ACTR3: variants seen among roughly 807,000 people sequenced by gnomAD.
The protein encoded by ACTR3 is actin related protein 3, also known as actin-related protein 3.
ACTR3 carries 12 observed loss-of-function variants against 56.8 expected under a neutral mutation model. The observed-to-expected ratio is 0.21, with a 90% CI of 0.14 to 0.34. The LOEUF (loss-of-function observed/expected upper bound fraction) is 0.34, where lower values mean the gene tolerates loss of function less well. ACTR3 is among the 10% of genes least tolerant of loss of function. The pLI is 1.00. For missense variants in ACTR3, 282 were observed against 512.5 expected, an observed-to-expected ratio of 0.55 and a Z score of 4.34; for synonymous variants, 162 against 167.4, an observed-to-expected ratio of 0.97 and a Z score of 0.25.
intron 1 of ACTR3, among the ~76,000 whole-genome samples, chr2:113,907,815 A>G (rs766602662): frequency 3.9e-5 from 6 of 151,978 alleles, no homozygotes; most frequent in Non-Finnish European, 5.9e-5. Flanking sequence ...TCTACTGAAA[A>G]TACAAAATTG....
At chr2:113,911,837 A>G (rs938623554) in intron 1 of ACTR3, among the ~76,000 whole-genome samples, 5 of 151,700 alleles carry the variant, frequency 3.3e-5, no homozygotes, top group Admixed American at 2.0e-4. Context: ...CCTAAGTTCA[A>G]GCGATTCTCT....
At chr2:113,923,610 C>T (rs1472499971) in intron 3 of ACTR3, among the ~76,000 whole-genome samples, 2 of 152,154 alleles carry the variant, frequency 1.3e-5, no homozygotes, top group Non-Finnish European at 1.5e-5. Flanking sequence ...GCTGGGATTA[C>T]AGGCATGAGC....
At chr2:113,929,825 T>C (rs1303432532) in intron 4 of ACTR3, among the ~76,000 whole-genome samples, 1 of 151,964 alleles carries the variant, frequency 6.6e-6, no homozygotes, top group Non-Finnish European at 1.5e-5. Context: ...ATTACAGGCA[T>C]GCACCACCAC....
At chr2:113,954,427 A>G (rs1379078261) in intron 10 of ACTR3, 4 of 152,092 alleles carry the variant, frequency 2.6e-5, no homozygotes, top group Admixed American at 2.6e-4. Flanking sequence ...GACTTGTTTT[A>G]CTATAAGCAA....
At chr2:113,890,775 C>T (rs917047976) in intron 1 of ACTR3, 6 of 1,017,010 alleles carry the variant, frequency 5.9e-6, no homozygotes, top group East Asian at 9.7e-5. Flanking sequence ...GAGAAGCGCT[C>T]CTGGTAGGTT....
intron 1 of ACTR3, chr2:113,890,524 G>A: frequency 7.4e-7 from 1 of 1,358,642 alleles, no homozygotes; most frequent in South Asian, 1.6e-5. Context: ...ACTGGGGCGG[G>A]GGCGCGGGCC....
chr2:113,924,663 G>A (rs996625279), intron 3 of ACTR3, among the ~76,000 whole-genome samples: 2 of 151,786 alleles, frequency 1.3e-5, no homozygotes, highest in African/African-American at 4.8e-5. Context: ...AAATCTTTTG[G>A]CACATAAATT....
Position 113,941,137 on chromosome 2 carries a change from C to T in ACTR3, c.684+1035C>T, listed in dbSNP as rs1197360019. On this transcript the variant is annotated intron_variant, in intron 7 of 11. Transcript: ENST00000263238. Reference sequence around the variant, plus strand: ...GCTTGTTTATGGGATTTTCCTTGCTCGTCAGAGCTTAAGAATGAAAATTTA... The same window carrying T: ...GCTTGTTTATGGGATTTTCCTTGCTTGTCAGAGCTTAAGAATGAAAATTTA... Among the ~76,000 whole-genome samples the T allele has an allele frequency of 3.3e-5, 5 of 152,142 alleles. No homozygotes were observed. In the East Asian group the frequency reaches 7.7e-4, roughly 24 times the overall value.
At chr2:113,895,963 G>A (rs1298737350) in intron 1 of ACTR3, among the ~76,000 whole-genome samples, 1 of 151,960 alleles carries the variant, frequency 6.6e-6, no homozygotes, top group Non-Finnish European at 1.5e-5. Context: ...TGTTCAAGCT[G>A]TCTTCCTGCC....
intron 5 of ACTR3, among the ~76,000 whole-genome samples, chr2:113,933,639 T>A (rs1483679953): frequency 6.6e-6 from 1 of 150,644 alleles, no homozygotes; most frequent in Non-Finnish European, 1.5e-5. Flanking sequence ...CCAGCCCACG[T>A]GGACATAGTT....
intron 7 of ACTR3, 141 bp downstream of exon 7, chr2:113,940,243 A>G (rs2104617878): frequency 1.6e-6 from 1 of 636,884 alleles, no homozygotes; most frequent in East Asian, 3.5e-5. Context: ...AAATATATTT[A>G]CATTTTCTTT....
At chr2:113,956,281 T>C (rs1480192441) in intron 11 of ACTR3, among the ~76,000 whole-genome samples, 2 of 151,854 alleles carry the variant, frequency 1.3e-5, no homozygotes, top group East Asian at 3.9e-4. Flanking sequence ...TCCTTTAAAT[T>C]GTATCTCAAA....
At chr2:113,900,025 T>C (rs1679070911) in intron 1 of ACTR3, among the ~76,000 whole-genome samples, 1 of 141,762 alleles carries the variant, frequency 7.1e-6, no homozygotes, top group Non-Finnish European at 1.6e-5. Context: ...AAAAGAGTGA[T>C]AAAAGGTAAA....
Position 113,951,766 on chromosome 2 carries a change from G to A in ACTR3, c.998G>A (p.Arg333His). The change falls in exon 10 of 12, where the codon CGT becomes CAT. Residue 333 changes from arginine (R) to histidine (H), a missense_variant. Arg to His is a conservative substitution (Grantham distance 29). Transcript: ENST00000263238. ...GGSTMFRDFG[R>H]RLQRDLKRTV... ...TCAACCATGTTCAGGGACTTTGGACGTCGCTTGCAAAGAGATTTGAAAAGA... is the reference window on the plus strand; with the variant it reads ...TCAACCATGTTCAGGGACTTTGGACATCGCTTGCAAAGAGATTTGAAAAGA... 6.2e-7 allele frequency: 1 copy of A among 1,613,434 alleles called. No individual in the cohort carries two copies. Among genetic ancestry groups the A allele is most frequent in the Non-Finnish European group, 8.5e-7 (1 of 1,179,574 alleles).
At chr2:113,944,678 C>T (rs1235778974) in intron 8 of ACTR3, among the ~76,000 whole-genome samples, 1 of 149,328 alleles carries the variant, frequency 6.7e-6, no homozygotes, top group Non-Finnish European at 1.5e-5. Context: ...AGGAGAATGG[C>T]GTGAACCCAG....
intron 5 of ACTR3, 74 bp downstream of exon 5, chr2:113,931,470 CTT>C (rs200938275): frequency 1.2e-3 from 789 of 683,180 alleles, no homozygotes; most frequent in South Asian, 2.0e-3. Flanking sequence ...AAAATACGTA[CTT>C]TTTTTTTTTT....
chr2:113,897,310 A>G (rs1679024694), intron 1 of ACTR3, among the ~76,000 whole-genome samples: 1 of 152,188 alleles, frequency 6.6e-6, no homozygotes, highest in African/African-American at 2.4e-5. Context: ...ATCAGGAAAC[A>G]ACGTAACCTA....
chr2:113,927,190 T>A (rs529196104), intron 3 of ACTR3, among the ~76,000 whole-genome samples, 155 bp from the exon 4 acceptor site: 1 of 152,326 alleles, frequency 6.6e-6, no homozygotes, highest in South Asian at 2.1e-4. Flanking sequence ...TTTAAATCCT[T>A]AAGTACACAT....
At chr2:113,926,430 C>T (rs544286433) in intron 3 of ACTR3, among the ~76,000 whole-genome samples, 29 of 152,296 alleles carry the variant, frequency 1.9e-4, no homozygotes, top group Admixed American at 1.3e-3. Flanking sequence ...TGTCTCAGTT[C>T]ATTTTCTGTT....
Sources: gnomAD v4.1 joint callset for allele counts (sites outside exome capture counted in the v4.1 genomes callset) on GRCh38, gnomAD v4.1.1 for gene constraint, MANE v1.5 for transcripts, NCBI Gene and HGNC (gene_info 2026-07-23, HGNC 2026-07-21) for gene names.